The following UBE3A variants were observed in gnomAD, a reference collection of about 807,000 sequenced individuals.
UBE3A encodes the protein ubiquitin protein ligase E3A, also known as ubiquitin-protein ligase E3A.
UBE3A carries 6 observed loss-of-function variants against 83.4 expected under a neutral mutation model. The ratio of observed to expected loss-of-function variants is 0.07; its 90% CI spans 0.04 to 0.14. The LOEUF is 0.14. UBE3A is among the 10% of genes least tolerant of loss of function. The probability of loss-of-function intolerance (pLI) is 1.00; values close to 1 mark genes in which losing one functional copy is unlikely to be tolerated. For synonymous variants in UBE3A, 337 were observed against 355.4 expected (o/e 0.95, Z 0.58); for missense variants, 456 against 1,036.1 (o/e 0.44, Z 7.69).
chr15:25,401,723 A>G (rs1260964944), intron 4 of UBE3A, among the ~76,000 whole-genome samples: 3 of 151,946 alleles, frequency 2.0e-5, no homozygotes, highest in African/African-American at 7.3e-5. Context: ...TTTTATCATC[A>G]AAAAACACAA....
chr15:25,358,138 G>A (rs1415898201), intron 7 of UBE3A, among the ~76,000 whole-genome samples: 2 of 152,046 alleles, frequency 1.3e-5, no homozygotes, highest in Non-Finnish European at 2.9e-5. Context: ...TGGGGAGGCT[G>A]AGGCAGGCAG....
chr15:25,419,066 G>A (rs1474864967), intron 1 of UBE3A: 1 of 152,088 alleles, frequency 6.6e-6, no homozygotes. Flanking sequence ...TATTGTCAAA[G>A]ACAAGCTCTC....
chr15:25,422,419 A>G (rs1890099032), intron 1 of UBE3A, among the ~76,000 whole-genome samples: 1 of 152,202 alleles, frequency 6.6e-6, no homozygotes, highest in East Asian at 1.9e-4. Context: ...TATCAATTAT[A>G]CATCAATAAA....
At chr15:25,404,435 G>C (rs897967967) in intron 4 of UBE3A, among the ~76,000 whole-genome samples, 5 of 151,864 alleles carry the variant, frequency 3.3e-5, no homozygotes, top group Admixed American at 1.3e-4. Flanking sequence ...TTAATACCTC[G>C]AAAAACTTTG....
chr15:25,351,462 A>ACTC (rs2076493613), intron 11 of UBE3A, among the ~76,000 whole-genome samples: 1 of 152,130 alleles, frequency 6.6e-6, no homozygotes, highest in African/African-American at 2.4e-5. Flanking sequence ...AAGGAAATAA[A>ACTC]CTCTGAATCT....
At position 25,339,201 on chromosome 15, in the gene UBE3A, T is replaced by G. The variant is rs1468530372; in HGVS notation, c.2555A>C (p.Lys852Thr). The G allele has an allele frequency of 6.2e-7, 1 of 1,613,062 alleles. No individual in the cohort carries two copies. Among genetic ancestry groups the G allele is most frequent in the Non-Finnish European group, 8.5e-7 (1 of 1,179,540 alleles). Residue 852 changes from lysine (K) to threonine (T), a missense_variant, in exon 13 of 13, where the codon AAA becomes ACA. Physicochemically the swap from Lys to Thr is moderately conservative, Grantham distance 78. This residue lies in a region of UBE3A where 1 missense variants were observed against 33.3 expected (regional missense o/e 0.03). Coordinates refer to ENST00000648336, the MANE Select transcript of UBE3A (RefSeq NM_130839.5). The part of the protein sequence containing the change: ...NVLLLPEYSS[K>T]EKLKERLLKA... ...CAACAATCTCTCTTTAAGTTTTTCT[T>G]TGCTTGAGTATTCCGGAAGTAAAAG... is the stretch of plus-strand genomic sequence containing the variant.
chr15:25,406,458 T>C (rs2088571072), intron 3 of UBE3A, among the ~76,000 whole-genome samples: 1 of 152,192 alleles, frequency 6.6e-6, no homozygotes, highest in Non-Finnish European at 1.5e-5. Flanking sequence ...TCACGAGATA[T>C]GAATCAGTAT....
At chr15:25,392,667 G>C (rs1303771215) in intron 4 of UBE3A, among the ~76,000 whole-genome samples, 1 of 152,118 alleles carries the variant, frequency 6.6e-6, no homozygotes, top group Non-Finnish European at 1.5e-5. Flanking sequence ...ATGACTAGGA[G>C]CTGATGACAC....
intron 3 of UBE3A, chr15:25,405,741 C>T (rs965288894): frequency 2.4e-5 from 13 of 542,372 alleles, no homozygotes; most frequent in South Asian, 6.4e-5. Context: ...AAACTGTAAA[C>T]GCTATACATA....
intron 4 of UBE3A, among the ~76,000 whole-genome samples, chr15:25,394,653 T>C (rs1407164966): frequency 6.6e-6 from 1 of 152,232 alleles, no homozygotes; most frequent in African/African-American, 2.4e-5. Context: ...GCACAGTCAC[T>C]TGCTACATGG....
chr15:25,398,814 T>TAA (rs1219524204), intron 4 of UBE3A, among the ~76,000 whole-genome samples: 3 of 59,274 alleles, frequency 5.1e-5, no homozygotes, highest in African/African-American at 1.3e-4. Flanking sequence ...TATATATATA[T>TAA]AAAAATACAT....
intron 1 of UBE3A, among the ~76,000 whole-genome samples, chr15:25,426,478 A>C (rs1325551326): frequency 6.6e-6 from 1 of 152,236 alleles, no homozygotes; most frequent in Non-Finnish European, 1.5e-5. Flanking sequence ...CAAAAGACTT[A>C]TAATGCAATA....
At chr15:25,372,380 T>C (rs2080439775) in intron 5 of UBE3A, among the ~76,000 whole-genome samples, 1 of 152,196 alleles carries the variant, frequency 6.6e-6, no homozygotes, top group African/African-American at 2.4e-5. Flanking sequence ...TTGAGAAGAA[T>C]ATACCATTTC....
At chr15:25,373,190 T>A (rs1052863280) in intron 5 of UBE3A, among the ~76,000 whole-genome samples, 1 of 152,180 alleles carries the variant, frequency 6.6e-6, no homozygotes, top group Non-Finnish European at 1.5e-5. Flanking sequence ...TCATTGAAAA[T>A]TTTTAAAATA....
At position 25,386,794 on chromosome 15, in the gene UBE3A, T is replaced by C. The variant is rs535760332; in HGVS notation, c.63-11031A>G. Among the ~76,000 whole-genome samples, 113 of 152,028 alleles carry C rather than the reference T, an allele frequency of 7.4e-4. 1 individual carries two copies. Among genetic ancestry groups the C allele is most frequent in the African/African-American group, 2.5e-3 (103 of 41,508 alleles). On this transcript the variant is annotated intron_variant, in intron 4 of 12. Transcript: ENST00000648336. ...AACAAGAAAAAGAGTGAAATATTCATAGTGTTGAGAGAAAAAAAAACCATA... is the reference window on the plus strand; with the variant it reads ...AACAAGAAAAAGAGTGAAATATTCACAGTGTTGAGAGAAAAAAAAACCATA...
intron 8 of UBE3A, 78 bp downstream of exon 8, chr15:25,356,613 A>G (rs1000537649): frequency 7.0e-7 from 1 of 1,430,350 alleles, no homozygotes; most frequent in African/African-American, 1.4e-5. Context: ...CAAAAACTTT[A>G]AAATTTTGAC....
intron 7 of UBE3A, among the ~76,000 whole-genome samples, chr15:25,359,418 CGTGT>C (rs60677664): frequency 0.036 from 5,040 of 138,906 alleles, 132 homozygotes; most frequent in African/African-American, 0.07. Context: ...ATAAGGGATG[CGTGT>C]GTGTGTGTGT....
chr15:25,382,636 G>T (rs542286604), intron 4 of UBE3A, among the ~76,000 whole-genome samples: 44 of 151,530 alleles, frequency 2.9e-4, no homozygotes, highest in African/African-American at 9.9e-4. Context: ...GAAAATTTTT[G>T]CAATAGAAAA....
At chr15:25,432,676 C>G (rs1893816094) in intron 1 of UBE3A, among the ~76,000 whole-genome samples, 1 of 152,128 alleles carries the variant, frequency 6.6e-6, no homozygotes. Context: ...CTCAATTGAT[C>G]CTGAGGAGAT....
Sources: allele counts gnomAD v4.1 joint callset (sites outside exome capture counted in the v4.1 genomes callset), GRCh38; gene constraint gnomAD v4.1.1; regional missense constraint gnomAD v4.1.1; transcripts MANE v1.5; gene names NCBI Gene and HGNC (gene_info 2026-07-23, HGNC 2026-07-21).